Variants in CNTNAP4 observed in about 807,000 individuals in gnomAD.
CNTNAP4 encodes contactin-associated protein-like 4.
In CNTNAP4, 98 loss-of-function variants were observed where a neutral mutation model predicts 148.4. The observed-to-expected ratio is 0.66, with a 90% confidence interval of 0.56 to 0.78. The LOEUF (loss-of-function observed/expected upper bound fraction) is 0.78. Among genes scored for constraint, CNTNAP4 ranks in the 30% least tolerant of loss-of-function variants. The probability of loss-of-function intolerance (pLI) is 0.00; values close to 1 mark genes in which losing one functional copy is unlikely to be tolerated. For synonymous variants in CNTNAP4, 730 were observed against 565.1 expected (o/e 1.29, Z -4.14); for missense variants, 1,935 against 1,565.6 (o/e 1.24, Z -3.98).
At chr16:76,296,446 A>G (rs1959307922) in intron 1 of CNTNAP4, among the ~76,000 whole-genome samples, 1 of 152,200 alleles carries the variant, frequency 6.6e-6, no homozygotes, top group African/African-American at 2.4e-5. Flanking sequence ...TGTATTTATC[A>G]TTGGATGTGT....
intron 15 of CNTNAP4, among the ~76,000 whole-genome samples, chr16:76,517,366 G>T (rs566895589): frequency 1.3e-5 from 2 of 152,156 alleles, no homozygotes; most frequent in South Asian, 2.1e-4. Context: ...CTAGATAAAG[G>T]GTGCATGGAA....
At chr16:76,448,439 C>T (rs2080331356) in intron 5 of CNTNAP4, among the ~76,000 whole-genome samples, 1 of 151,980 alleles carries the variant, frequency 6.6e-6, no homozygotes, top group South Asian at 2.1e-4. Flanking sequence ...AACCATATAG[C>T]TATTTTCTAA....
intron 12 of CNTNAP4, among the ~76,000 whole-genome samples, chr16:76,481,801 G>A (rs2081839248): frequency 6.6e-6 from 1 of 152,120 alleles, no homozygotes; most frequent in Non-Finnish European, 1.5e-5. Flanking sequence ...CAAGTTCTGA[G>A]ACAGATGATC....
chr16:76,295,304 A>G (rs1306040048), intron 1 of CNTNAP4, among the ~76,000 whole-genome samples: 1 of 152,236 alleles, frequency 6.6e-6, no homozygotes, highest in African/African-American at 2.4e-5. Flanking sequence ...CAGAAGGACA[A>G]AAATGTTCAG....
chr16:76,450,507 G>C (rs558230862), intron 7 of CNTNAP4, among the ~76,000 whole-genome samples: 1 of 152,256 alleles, frequency 6.6e-6, no homozygotes, highest in East Asian at 1.9e-4. Context: ...TGAGCATAAA[G>C]AGTTTCTGGA....
intron 1 of CNTNAP4, chr16:76,287,706 A>T (rs547098157): frequency 6.6e-6 from 1 of 152,360 alleles, no homozygotes; most frequent in Non-Finnish European, 1.5e-5. Flanking sequence ...ATGGCTGGTA[A>T]GGCAGCTGTT....
intron 3 of CNTNAP4, among the ~76,000 whole-genome samples, chr16:76,369,756 C>T (rs879467357): frequency 1.1e-4 from 17 of 152,084 alleles, no homozygotes; most frequent in Non-Finnish European, 2.1e-4. Flanking sequence ...GCAGGAGGAT[C>T]GCTTCAGCCT....
At position 76,538,253 on chromosome 16, in the gene CNTNAP4, A is replaced by C; in HGVS notation, c.3133A>C (p.Ser1045Arg). 6.2e-7 allele frequency: 1 copy of C among 1,611,222 alleles called. No individual in the cohort carries two copies. ...MKLSREMIKFSFRTTRTPSLL... is the reference protein window; with the variant it reads ...MKLSREMIKFRFRTTRTPSLL... ...GCTGAGCAGAGAAATGATCAAATTT[A>C]GTTTCCGAACAACACGAACACCAAG... The change falls in exon 19 of 24, where the codon AGT becomes CGT. Residue 1045 changes from serine to arginine, a missense_variant. By Grantham distance (110) the Ser-to-Arg change is moderately radical (BLOSUM62 -1). Coordinates refer to ENST00000611870, the MANE Select transcript of CNTNAP4 (RefSeq NM_033401.5).
intron 21 of CNTNAP4, among the ~76,000 whole-genome samples, chr16:76,546,292 T>A (rs538343798): frequency 7.3e-4 from 111 of 152,276 alleles, no homozygotes; most frequent in African/African-American, 2.5e-3. Context: ...GGACAAGTAC[T>A]GTGCTGCACA....
At chr16:76,416,533 A>T (rs914180759) in intron 3 of CNTNAP4, among the ~76,000 whole-genome samples, 4 of 151,126 alleles carry the variant, frequency 2.6e-5, no homozygotes, top group Non-Finnish European at 4.4e-5. Context: ...TTTTTTTCAG[A>T]TGTTTAGGAA....
chr16:76,452,027 AGAAAAAAGACCAAGCT>A (rs1401293331), intron 7 of CNTNAP4, among the ~76,000 whole-genome samples: 2 of 152,132 alleles, frequency 1.3e-5, no homozygotes, highest in African/African-American at 4.8e-5. Flanking sequence ...TGTATCACTA[AGAAAAAAGACCAAGCT>A]GCAGCTGGTA....
intron 22 of CNTNAP4, 34 bp from the exon 23 acceptor site, chr16:76,553,802 A>G (rs747215987): frequency 1.4e-6 from 2 of 1,440,912 alleles, no homozygotes; most frequent in East Asian, 2.3e-5. Context: ...ACTTGCCTAT[A>G]TCACCTTCCC....
chr16:76,304,972 G>A (rs1960334884), intron 1 of CNTNAP4, among the ~76,000 whole-genome samples: 2 of 152,196 alleles, frequency 1.3e-5, no homozygotes, highest in Admixed American at 1.3e-4. Flanking sequence ...AGTATTTGGT[G>A]ATATGTATGT....
chr16:76,447,888 G>A (rs966090851), intron 4 of CNTNAP4, 124 bp from the exon 5 acceptor site: 27 of 641,890 alleles, frequency 4.2e-5, no homozygotes, highest in Middle Eastern at 4.3e-4. Flanking sequence ...ATTAGTTGAG[G>A]AGCATCTGTA....
At chr16:76,368,590 C>T (rs2014428211) in intron 3 of CNTNAP4, among the ~76,000 whole-genome samples, 1 of 152,068 alleles carries the variant, frequency 6.6e-6, no homozygotes, top group South Asian at 2.1e-4. Flanking sequence ...CCAAATACAG[C>T]ATGTTCTCAC....
At chr16:76,343,724 A>C (rs1964676425) in intron 2 of CNTNAP4, among the ~76,000 whole-genome samples, 2 of 150,136 alleles carry the variant, frequency 1.3e-5, no homozygotes, top group Non-Finnish European at 3.0e-5. Context: ...TGAAAAATCA[A>C]ATATGTTGAA....
At chr16:76,376,932 TGTGTGTGTGTG>T (rs1457888956) in intron 3 of CNTNAP4, among the ~76,000 whole-genome samples, 2 of 151,660 alleles carry the variant, frequency 1.3e-5, no homozygotes, top group African/African-American at 4.8e-5. Context: ...TGTGTGTGTG[TGTGTGTGTGTG>T]TGTGTGTGTG....
chr16:76,300,645 T>C (rs1316891780), intron 1 of CNTNAP4, among the ~76,000 whole-genome samples: 1 of 152,210 alleles, frequency 6.6e-6, no homozygotes, highest in African/African-American at 2.4e-5. Context: ...CAATTTTTCA[T>C]ATAGAAAATA....
intron 4 of CNTNAP4, among the ~76,000 whole-genome samples, chr16:76,437,143 G>A (rs1322988742): frequency 6.6e-6 from 1 of 151,818 alleles, no homozygotes; most frequent in Admixed American, 6.6e-5. Flanking sequence ...CAGCATGGGA[G>A]GAAGATGTAG....
Sources: gnomAD v4.1 joint callset for allele counts (sites outside exome capture counted in the v4.1 genomes callset) on GRCh38, gnomAD v4.1.1 for gene constraint, MANE v1.5 for transcripts, NCBI Gene and HGNC (gene_info 2026-07-23, HGNC 2026-07-21) for gene names.